The following PHF2 variants were observed in gnomAD, a reference collection of about 807,000 sequenced individuals.
PHF2 encodes the protein PHD finger protein 2, also known as lysine-specific demethylase PHF2.
PHF2 carries 27 observed loss-of-function variants against 120.5 expected under a neutral mutation model. The ratio of observed to expected loss-of-function variants is 0.22; its 90% CI spans 0.17 to 0.31. The LOEUF is 0.31. Ranked by LOEUF, PHF2 falls within the 10% of genes least tolerant of loss-of-function variation. PHF2 has a pLI of 1.00. For synonymous variants in PHF2, 568 were observed against 592.5 expected, an observed-to-expected ratio of 0.96 and a Z score of 0.60; for missense variants, 1,024 against 1,434.8, an observed-to-expected ratio of 0.71 and a Z score of 4.63.
intron 1 of PHF2, among the ~76,000 whole-genome samples, chr9:93,627,491 G>GTTTTTTTTTTTTTTTTTTTTTT (rs1186546705): frequency 4.9e-5 from 2 of 41,076 alleles, no homozygotes; most frequent in Non-Finnish European, 4.7e-5. Context: ...TTTATTTCAG[G>GTTTTTTTTTTTTTTTTTTTTTT]ATTTTTTTTT....
rs1020372524 is a variant in PHF2, at chr9:93,677,763, C to T, written c.*87C>T. On this transcript the variant is annotated 3_prime_UTR_variant, in exon 22 of 22. Transcript: ENST00000359246. The surrounding 1 kb of genome is among the most constrained non-coding windows in gnomAD (Gnocchi z 4.4). ...TGCCTCCCAGGAGGGTGCCGAGCTGCCTCACCAGGGAGGGCCTTGCCTCTT... is the reference window on the plus strand; with the variant it reads ...TGCCTCCCAGGAGGGTGCCGAGCTGTCTCACCAGGGAGGGCCTTGCCTCTT... 8 of 978,940 alleles carry T rather than the reference C, an allele frequency of 8.2e-6. No homozygotes were observed. The African/African-American group carries it at 9.7e-5, about 12-fold the overall frequency. 60.6% of individuals were successfully genotyped at this position (978,940 alleles called of 1,614,324 possible).
At chr9:93,591,004 G>A (rs1210162388) in intron 1 of PHF2, among the ~76,000 whole-genome samples, 2 of 152,198 alleles carry the variant, frequency 1.3e-5, no homozygotes, top group Non-Finnish European at 2.9e-5. Flanking sequence ...CAACAGCTCC[G>A]GGGCCATACT....
At chr9:93,597,043 G>C (rs1424095565) in intron 1 of PHF2, among the ~76,000 whole-genome samples, 1 of 148,830 alleles carries the variant, frequency 6.7e-6, no homozygotes, top group East Asian at 2.0e-4. Context: ...CCATTCTCCA[G>C]CCTCAGCCTC....
intron 1 of PHF2, among the ~76,000 whole-genome samples, chr9:93,605,309 C>T (rs1279219507): frequency 1.3e-5 from 2 of 152,152 alleles, no homozygotes; most frequent in African/African-American, 4.8e-5. Flanking sequence ...CCTCTAAAGG[C>T]TGGACTCAAG....
intron 5 of PHF2, among the ~76,000 whole-genome samples, chr9:93,650,359 C>T (rs984605359): frequency 6.6e-6 from 1 of 152,174 alleles, no homozygotes; most frequent in Non-Finnish European, 1.5e-5. Flanking sequence ...GATACTAACT[C>T]ACTGGCACAC....
rs149736720 is a variant in PHF2 at position 93,676,722 on chromosome 9, C to CCCTGCCTCCACCACA, written c.2963_2964insTGCCTCCACCACACC (p.Thr992_Thr996dup). 973,229 of 1,551,224 alleles carry CCCTGCCTCCACCACA rather than the reference C, an allele frequency of 0.63. 313,248 individuals carry two copies. The highest frequency in any genetic ancestry group is 0.76 in the African/African-American group (55,424 of 72,998). ...CCTCCACCACGCCAGCCTCTACCAC[C>CCCTGCCTCCACCACA]CCGGCCTCCACCACCCCGGCCTCCA... On this transcript the variant is annotated inframe_insertion, in exon 21 of 22. Coordinates refer to ENST00000359246, the MANE Select transcript of PHF2 (RefSeq NM_005392.4).
chr9:93,592,020 G>C (rs765079987), intron 1 of PHF2, among the ~76,000 whole-genome samples: 5 of 152,184 alleles, frequency 3.3e-5, no homozygotes, highest in African/African-American at 7.2e-5. Flanking sequence ...GCCTTCTCTG[G>C]TGTTTGTGCA....
At chr9:93,587,260 C>G (rs1184724912) in intron 1 of PHF2, among the ~76,000 whole-genome samples, 2 of 131,868 alleles carry the variant, frequency 1.5e-5, no homozygotes, top group African/African-American at 5.9e-5. Context: ...GATGGAAGAG[C>G]CCTGGGTGAG....
intron 1 of PHF2, among the ~76,000 whole-genome samples, chr9:93,586,528 C>T (rs1276401820): frequency 6.6e-6 from 1 of 152,252 alleles, no homozygotes; most frequent in Admixed American, 6.5e-5. Flanking sequence ...CCCACTCCTC[C>T]CATGCCAGCC....
At chr9:93,587,380 A>G (rs528479619) in intron 1 of PHF2, among the ~76,000 whole-genome samples, 2 of 147,732 alleles carry the variant, frequency 1.4e-5, no homozygotes, top group East Asian at 4.2e-4. Flanking sequence ...GGGACGGAGG[A>G]GCCTCAGATG....
rs749143605 is a variant in PHF2 at position 93,666,069 on chromosome 9, C to G, written c.2187+9C>G. ...ACTCGGCAGCGTACAAGGTGAGCTG[C>G]CTTACAGGCCCCCCTCAGTCTCGGG... On this transcript the variant is annotated intron_variant, in intron 16 of 21. Coordinates refer to ENST00000359246, the MANE Select transcript of PHF2 (RefSeq NM_005392.4). The G allele has an allele frequency of 1.1e-5, 18 of 1,610,264 alleles. No individual in the cohort carries two copies. Among genetic ancestry groups the G allele is most frequent in the Non-Finnish European group, 1.5e-5 (18 of 1,177,498 alleles).
At position 93,677,583 on chromosome 9, in the gene PHF2, C is replaced by T; in HGVS notation, c.3203-5C>T. On this transcript the variant is annotated splice_region_variant and splice_polypyrimidine_tract_variant and intron_variant, in intron 21 of 21. Coordinates refer to ENST00000359246, the MANE Select transcript of PHF2 (RefSeq NM_005392.4). This position sits in a 1 kb window ranked among gnomAD's most constrained non-coding sequence, Gnocchi z 4.4. ...CTTTTTGTGTCCCCTCCCCGACTCCCCTAGGAAAACGTACGAAAAAGGGCA... is the reference window on the plus strand; with the variant it reads ...CTTTTTGTGTCCCCTCCCCGACTCCTCTAGGAAAACGTACGAAAAAGGGCA... The T allele has an allele frequency of 1.2e-6, 2 of 1,613,308 alleles. No individual in the cohort carries two copies.
intron 1 of PHF2, among the ~76,000 whole-genome samples, chr9:93,602,247 CTTTTTTT>C (rs67001312): frequency 5.3e-4 from 42 of 79,678 alleles, no homozygotes; most frequent in Non-Finnish European, 2.4e-4. Context: ...CCTAGAGATT[CTTTTTTT>C]TTTTTTTTTT....
Position 93,629,885 on chromosome 9 carries a change from G to A in PHF2, c.99-85G>A. The stretch of plus-strand genomic sequence containing the variant: ...GGCCCAGGTTCCCAGACAATGAGCA[G>A]GGATTCTCCCTAGAGCTTCGCAGAT... On this transcript the variant is annotated intron_variant, in intron 1 of 21. Coordinates refer to ENST00000359246, the MANE Select transcript of PHF2 (RefSeq NM_005392.4). 1.8e-5 allele frequency: 24 copies of A among 1,323,436 alleles called. No homozygotes were observed. In the South Asian group the frequency reaches 2.6e-4, roughly 14 times the overall value. The allele number at this position is 1,323,436 out of a possible 1,614,324, so 82.0% of individuals were successfully genotyped here.
At chr9:93,619,375 C>T (rs62573992) in intron 1 of PHF2, among the ~76,000 whole-genome samples, 26,292 of 152,264 alleles carry the variant, frequency 0.17, 2,710 homozygotes, top group African/African-American at 0.28. Context: ...CCTGATTCGG[C>T]GTCCTGGGCT....
intron 1 of PHF2, among the ~76,000 whole-genome samples, chr9:93,594,186 ACC>A (rs57656509): frequency 0.72 from 101,573 of 140,360 alleles, 36,846 homozygotes; most frequent in South Asian, 0.84. Flanking sequence ...TTCTCATGTG[ACC>A]CCCCCCCCCT....
chr9:93,647,888 C>CAAA (rs35872422), intron 4 of PHF2, among the ~76,000 whole-genome samples: 40,714 of 145,392 alleles, frequency 0.28, 6,925 homozygotes, highest in Non-Finnish European at 0.39. Flanking sequence ...GATTTCATCT[C>CAAA]AAAAAAAAAA....
chr9:93,576,876 G>A lies in PHF2; in HGVS notation c.98+5G>A. 1.7e-6 allele frequency: 2 copies of A among 1,207,830 alleles called. No homozygotes were observed. The highest frequency in any genetic ancestry group is 2.1e-6 in the Non-Finnish European group (2 of 935,010). The allele number at this position is 1,207,830 out of a possible 1,614,324, so 74.8% of individuals were successfully genotyped here. ...CAAGGACTGGTTCCACGGCAGGTGA[G>A]CGCGCGGCGGCTGCTCGGCTCGGCC... On this transcript the variant is annotated splice_donor_5th_base_variant and intron_variant, in intron 1 of 21. Coordinates refer to ENST00000359246, the MANE Select transcript of PHF2 (RefSeq NM_005392.4).
chr9:93,652,290 CTTT>C (rs751282822), intron 5 of PHF2, among the ~76,000 whole-genome samples: 43 of 96,330 alleles, frequency 4.5e-4, no homozygotes, highest in African/African-American at 4.9e-4. Context: ...TTGAGCTTGA[CTTT>C]TTTTTTTTTT....
Sources: allele counts gnomAD v4.1 joint callset (sites outside exome capture counted in the v4.1 genomes callset), GRCh38; gene constraint gnomAD v4.1.1; non-coding constraint Gnocchi (gnomAD v3.1); transcripts MANE v1.5; gene names NCBI Gene and HGNC (gene_info 2026-07-23, HGNC 2026-07-21).